The following ZC3H12B variants were observed in gnomAD, a reference collection of about 807,000 sequenced individuals.
ZC3H12B encodes the protein zinc finger CCCH-type containing 12B.
In ZC3H12B, 7 loss-of-function variants were observed where a neutral mutation model predicts 43.9. That is an observed-to-expected ratio of 0.16 (90% confidence interval 0.09 to 0.30). The LOEUF (loss-of-function observed/expected upper bound fraction) is 0.30, where lower values mean the gene tolerates loss of function less well. Among genes scored for constraint, ZC3H12B ranks in the 10% least tolerant of loss-of-function variants. The pLI is 1.00. For missense variants in ZC3H12B, 475 were observed against 670.2 expected (o/e 0.71, Z 3.22); for synonymous variants, 222 against 241.7 (o/e 0.92, Z 0.76).
chrX:65,398,441 G>A (rs1251975509), intron 2 of ZC3H12B, among the ~76,000 whole-genome samples, 152 bp from the exon 5 acceptor site: 1 of 111,824 alleles, frequency 8.9e-6, no homozygotes, highest in Non-Finnish European at 1.9e-5. Context: ...TAATCCCCAT[G>A]TGTCAGGGAA....
At chrX:65,085,017 A>G in the ZC3H12B span, among the ~76,000 whole-genome samples, 1 of 112,089 alleles carries the variant, frequency 8.9e-6, no homozygotes, top group East Asian at 2.8e-4. Context: ...AGAACGACAA[A>G]CATCACATGT....
the ZC3H12B span, among the ~76,000 whole-genome samples, chrX:65,213,044 C>T: frequency 9.2e-6 from 1 of 108,517 alleles, no homozygotes; most frequent in Admixed American, 1.0e-4. Context: ...CCATTCCCTA[C>T]TCTCTTCTCC....
chrX:65,357,074 G>A, the ZC3H12B span: 90 of 562,255 alleles, frequency 1.6e-4, no homozygotes, highest in Middle Eastern at 3.1e-3. Flanking sequence ...TCAAAGAGAG[G>A]GCCAGTCACT....
intron 1 of ZC3H12B, among the ~76,000 whole-genome samples, chrX:65,490,379 G>GAAAAAAA (rs1032989325): frequency 5.5e-5 from 3 of 54,988 alleles, no homozygotes; most frequent in African/African-American, 2.1e-4. Flanking sequence ...ACTGTTTCAG[G>GAAAAAAA]AAAAAAAAAA....
At chrX:65,115,850 C>T in the ZC3H12B span, among the ~76,000 whole-genome samples, 2 of 111,708 alleles carry the variant, frequency 1.8e-5, no homozygotes, top group African/African-American at 3.2e-5. Context: ...ATTTGTATGT[C>T]TTCTTTTGAG....
At chrX:65,346,229 G>A in the ZC3H12B span, among the ~76,000 whole-genome samples, 3 of 107,229 alleles carry the variant, frequency 2.8e-5, no homozygotes, top group Admixed American at 3.0e-4. Flanking sequence ...ATACTATAAG[G>A]CTACAGTAAC....
At chrX:65,287,618 A>C in the ZC3H12B span, among the ~76,000 whole-genome samples, 4 of 110,905 alleles carry the variant, frequency 3.6e-5, no homozygotes, top group African/African-American at 1.3e-4. Context: ...TCCTTGAAAC[A>C]AATGAAAATG....
chrX:65,100,918 C>T, the ZC3H12B span, among the ~76,000 whole-genome samples: 1 of 111,630 alleles, frequency 9.0e-6, no homozygotes, highest in African/African-American at 3.3e-5. Context: ...ACATAACTCT[C>T]CACCCCAAAT....
chrX:65,212,541 TA>T, the ZC3H12B span, among the ~76,000 whole-genome samples: 1 of 75,843 alleles, frequency 1.3e-5, no homozygotes, highest in Non-Finnish European at 2.3e-5. Context: ...ATATAATGTA[TA>T]TTTATATATT....
At chrX:65,354,446 C>T in the ZC3H12B span, among the ~76,000 whole-genome samples, 2 of 111,461 alleles carry the variant, frequency 1.8e-5, no homozygotes, top group Admixed American at 1.9e-4. Flanking sequence ...CACAGAAACA[C>T]CATCCGAAGT....
At chrX:65,242,382 C>A in the ZC3H12B span, among the ~76,000 whole-genome samples, 1 of 111,635 alleles carries the variant, frequency 9.0e-6, no homozygotes, top group Admixed American at 9.5e-5. Context: ...AAATTAATTT[C>A]ATTTACAATA....
the ZC3H12B span, among the ~76,000 whole-genome samples, chrX:65,121,655 T>C: frequency 8.9e-6 from 1 of 111,750 alleles, no homozygotes; most frequent in African/African-American, 3.3e-5. Context: ...TTCCTTCATT[T>C]CTGCTGTGAT....
chrX:65,335,939 ATTTTTG>A, the ZC3H12B span, among the ~76,000 whole-genome samples: 2 of 111,614 alleles, frequency 1.8e-5, no homozygotes, highest in Admixed American at 1.9e-4. Flanking sequence ...TTGTTTGTTT[ATTTTTG>A]TTTTTGTTTT....
At chrX:65,161,407 G>T in the ZC3H12B span, among the ~76,000 whole-genome samples, 1 of 111,487 alleles carries the variant, frequency 9.0e-6, no homozygotes. Flanking sequence ...AAGTCTCTTT[G>T]TAGGTCACTC....
the ZC3H12B span, among the ~76,000 whole-genome samples, chrX:65,132,307 G>T: frequency 1.8e-5 from 2 of 111,353 alleles, no homozygotes; most frequent in Non-Finnish European, 3.8e-5. Flanking sequence ...GAATTGTAAG[G>T]AGAGTTTATA....
At chrX:65,167,544 G>A in the ZC3H12B span, among the ~76,000 whole-genome samples, 26,508 of 110,626 alleles carry the variant, frequency 0.24, 7,622 homozygotes, top group African/African-American at 0.82. Flanking sequence ...TTGGTTCCAT[G>A]TTAAATTTAA....
chrX:65,407,938 C>G (rs2066854822), intron 3 of ZC3H12B: 2 of 707,826 alleles, frequency 2.8e-6, no homozygotes, highest in Non-Finnish European at 4.1e-6. Context: ...CCGGTACGCC[C>G]GGCCTAGCGC....
the ZC3H12B span, among the ~76,000 whole-genome samples, chrX:65,125,204 A>T: frequency 9.0e-6 from 1 of 111,561 alleles, no homozygotes; most frequent in Non-Finnish European, 1.9e-5. Flanking sequence ...TTCAGTTCAA[A>T]GAATTTTAAA....
the ZC3H12B span, among the ~76,000 whole-genome samples, chrX:65,220,711 C>T: frequency 3.6e-5 from 4 of 111,983 alleles, no homozygotes; most frequent in African/African-American, 1.3e-4. Context: ...ACAATTACTA[C>T]TAGACATAAG....
Sources: allele counts gnomAD v4.1 joint callset (sites outside exome capture counted in the v4.1 genomes callset), GRCh38; gene constraint gnomAD v4.1.1; transcripts MANE v1.5; gene names NCBI Gene and HGNC (gene_info 2026-07-23, HGNC 2026-07-21).